RFX8: variants seen among roughly 807,000 people sequenced by gnomAD.
RFX8 encodes the protein regulatory factor X8.
RFX8 carries 46 observed loss-of-function variants against 54.6 expected under a neutral mutation model. The observed-to-expected ratio is 0.84, with a 90% CI of 0.67 to 1.08. The LOEUF (loss-of-function observed/expected upper bound fraction) is 1.08, where lower values mean the gene tolerates loss of function less well. RFX8 is among the 50% of genes least tolerant of loss of function. The pLI is 0.00. For synonymous variants in RFX8, 192 were observed against 209.5 expected, an observed-to-expected ratio of 0.92 and a Z score of 0.72; for missense variants, 536 against 562.3, an observed-to-expected ratio of 0.95 and a Z score of 0.47.
At chr2:101,455,232 C>T (rs1368096744) in intron 2 of RFX8, among the ~76,000 whole-genome samples, 1 of 152,016 alleles carries the variant, frequency 6.6e-6, no homozygotes. Context: ...AGGCTGTTCT[C>T]GAACTCCTGA....
intron 2 of RFX8, chr2:101,450,731 T>A: frequency 1.0e-6 from 1 of 953,300 alleles, no homozygotes; most frequent in Non-Finnish European, 1.6e-6. Flanking sequence ...CTGACATGCT[T>A]TATGGAAGGC....
intron 2 of RFX8, among the ~76,000 whole-genome samples, chr2:101,437,329 T>C (rs1476800941): frequency 1.3e-5 from 2 of 151,934 alleles, no homozygotes; most frequent in African/African-American, 4.8e-5. Flanking sequence ...CGCCAGCTAC[T>C]TGGGAGACTG....
At chr2:101,472,019 G>A (rs1690027618) in intron 1 of RFX8, among the ~76,000 whole-genome samples, 1 of 152,176 alleles carries the variant, frequency 6.6e-6, no homozygotes, top group Non-Finnish European at 1.5e-5. Context: ...TCCAGCATTG[G>A]TAACACCTTC....
At chr2:101,473,546 C>T (rs1690128735) in intron 1 of RFX8, among the ~76,000 whole-genome samples, 1 of 152,078 alleles carries the variant, frequency 6.6e-6, no homozygotes, top group African/African-American at 2.4e-5. Flanking sequence ...TTTCAAAAGT[C>T]TTCCCTGAGA....
chr2:101,442,956 C>G (rs1222601918), intron 2 of RFX8, among the ~76,000 whole-genome samples: 1 of 152,130 alleles, frequency 6.6e-6, no homozygotes, highest in Admixed American at 6.5e-5. Context: ...CTAGGCAGAT[C>G]GGCTCACACC....
Position 101,466,834 on chromosome 2 carries a change from G to A in RFX8, c.15C>T (p.Tyr5=), listed in dbSNP as rs908787256. 2.4e-5 allele frequency: 38 copies of A among 1,551,264 alleles called. 1 individual carries two copies. The highest frequency in any genetic ancestry group is 4.9e-5 in the East Asian group (2 of 40,938). The part of the protein sequence containing the change: MYEI[Y]VETCGQNTEN... ...CAGTGTTTTGCCCACAGGTCTCCAC[G>A]TAAATCTCATACATGAGACAGCGAG... Residue 5 remains tyrosine, a synonymous_variant, in exon 2 of 12, where the codon TAC becomes TAT. Transcript: ENST00000428343.
intron 10 of RFX8, among the ~76,000 whole-genome samples, chr2:101,403,553 G>A (rs1211360438): frequency 3.3e-5 from 5 of 152,210 alleles, no homozygotes; most frequent in African/African-American, 7.2e-5. Flanking sequence ...TTTGGAGGCC[G>A]AGGCGGGCAG....
intron 4 of RFX8, among the ~76,000 whole-genome samples, chr2:101,420,194 CT>C (rs1244310761): frequency 2.0e-5 from 3 of 152,132 alleles, no homozygotes; most frequent in African/African-American, 7.2e-5. Flanking sequence ...TCCGAGGCCC[CT>C]TCTGGCATCA....
chr2:101,423,203 A>G (rs1257426707), intron 2 of RFX8, among the ~76,000 whole-genome samples: 1 of 150,020 alleles, frequency 6.7e-6, no homozygotes, highest in Non-Finnish European at 1.5e-5. Flanking sequence ...GGTTGCAGTG[A>G]GCCAAGATCA....
At chr2:101,447,492 C>T (rs1032509428) in intron 2 of RFX8, among the ~76,000 whole-genome samples, 2 of 152,168 alleles carry the variant, frequency 1.3e-5, no homozygotes, top group Admixed American at 6.6e-5. Flanking sequence ...GCTGCTTCTT[C>T]TTCTTTTTTA....
At chr2:101,431,019 T>C (rs17805225) in intron 2 of RFX8, among the ~76,000 whole-genome samples, 41,386 of 152,142 alleles carry the variant, frequency 0.27, 5,992 homozygotes, top group South Asian at 0.35. Flanking sequence ...CAATTCCACA[T>C]TGTGTCAGCA....
At chr2:101,422,319 C>T (rs992997940) in intron 3 of RFX8, 43 bp downstream of exon 3, 3 of 944,748 alleles carry the variant, frequency 3.2e-6, no homozygotes, top group East Asian at 2.6e-5. Context: ...CCCTAAGCAT[C>T]ATACAGCGTG....
At chr2:101,471,589 A>ACC (rs1689994265) in intron 1 of RFX8, among the ~76,000 whole-genome samples, 1 of 152,206 alleles carries the variant, frequency 6.6e-6, no homozygotes, top group Non-Finnish European at 1.5e-5. Flanking sequence ...CTGGTCTGAA[A>ACC]CCAGGGGTCA....
chr2:101,430,049 T>C lies in RFX8; in HGVS notation c.73-7577A>G, dbSNP rs185337354. 1.1e-4 allele frequency among the ~76,000 whole-genome samples: 17 copies of C among 152,320 alleles called. No homozygotes were observed. The East Asian group carries it at 3.3e-3, about 29-fold the overall frequency. The stretch of plus-strand genomic sequence containing the variant: ...CCATCTGATAAATGTTTCCACATAA[T>C]GTTATATTTCAAAACAGGGCACATA... On this transcript the variant is annotated intron_variant, in intron 2 of 11. Coordinates refer to ENST00000428343, the MANE Select transcript of RFX8 (RefSeq NM_001145664.2).
At chr2:101,426,009 A>G (rs1687150725) in intron 2 of RFX8, among the ~76,000 whole-genome samples, 1 of 152,214 alleles carries the variant, frequency 6.6e-6, no homozygotes, top group East Asian at 1.9e-4. Context: ...ACAAAAATCT[A>G]GTTGATATTT....
At chr2:101,438,792 C>T (rs750488465) in intron 2 of RFX8, among the ~76,000 whole-genome samples, 5 of 152,118 alleles carry the variant, frequency 3.3e-5, no homozygotes, top group Non-Finnish European at 5.9e-5. Context: ...AGTGACATCT[C>T]ATTGTGGTTT....
At chr2:101,465,407 G>T (rs1056665919) in intron 2 of RFX8, among the ~76,000 whole-genome samples, 6 of 152,188 alleles carry the variant, frequency 3.9e-5, no homozygotes. Flanking sequence ...ATACTTGGGA[G>T]ACTGAGGCAC....
intron 9 of RFX8, among the ~76,000 whole-genome samples, chr2:101,408,535 C>T (rs1256930673): frequency 1.3e-5 from 2 of 151,618 alleles, no homozygotes; most frequent in Non-Finnish European, 2.9e-5. Flanking sequence ...TTCCACTTAA[C>T]GAACAGACAA....
In RFX8 at chr2:101,474,818, A is replaced by G. The variant is rs996885263; in HGVS notation, c.-235T>C. 6.8e-6 allele frequency: 1 copy of G among 146,634 alleles called. No homozygotes were observed. Among genetic ancestry groups the G allele is most frequent in the Non-Finnish European group, 1.5e-5 (1 of 66,538 alleles). 9.1% of individuals were successfully genotyped at this position (146,634 alleles called of 1,614,324 possible). ...GTCTGGGCGAGGGCCGCCTGGGCCA[A>G]CCGGCTTTTTCAGGGTCCCGGGTGA... is the stretch of plus-strand genomic sequence containing the variant. On this transcript the variant is annotated 5_prime_UTR_variant, in exon 1 of 12. Transcript: ENST00000428343.
Sources: gnomAD v4.1 joint callset for allele counts (sites outside exome capture counted in the v4.1 genomes callset) on GRCh38, gnomAD v4.1.1 for gene constraint, MANE v1.5 for transcripts, NCBI Gene and HGNC (gene_info 2026-07-23, HGNC 2026-07-21) for gene names.